The following PTPRN2 variants were observed in gnomAD, a reference collection of about 807,000 sequenced individuals.
PTPRN2 encodes the protein protein tyrosine phosphatase receptor type N2.
PTPRN2 carries 74 observed loss-of-function variants against 118.8 expected under a neutral mutation model. The observed-to-expected ratio is 0.62, with a 90% CI of 0.52 to 0.76. PTPRN2 has a LOEUF of 0.76. Ranked by LOEUF, PTPRN2 falls within the 30% of genes least tolerant of loss-of-function variation. PTPRN2 has a pLI of 0.00. For synonymous variants in PTPRN2, 641 were observed against 608.0 expected (o/e 1.05, Z -0.80); for missense variants, 1,481 against 1,394.4 (o/e 1.06, Z -0.99).
At position 157,800,166 on chromosome 7, in the gene PTPRN2, T is replaced by C. The variant is rs117736387; in HGVS notation, c.1788+98507A>G. On this transcript the variant is annotated intron_variant, in intron 12 of 22. Coordinates refer to ENST00000389418, the MANE Select transcript of PTPRN2 (RefSeq NM_002847.5). ...AGGCGGCCTCCCCATCCCTCAGAGG[T>C]ACCACAGATGCCCTCCTCCATCCCT... Among the ~76,000 whole-genome samples, 1,215 of 129,298 alleles carry C rather than the reference T, an allele frequency of 9.4e-3. 42 individuals are homozygous for C. Among genetic ancestry groups the C allele is most frequent in the Admixed American group, 0.067 (914 of 13,572 alleles). 84.8% of individuals were successfully genotyped at this position (129,298 alleles called of 152,430 possible). A position where few individuals can be genotyped will look rare whatever the true frequency, so the allele number is the denominator to read the frequency against.
At chr7:157,594,346 C>T (rs944231670) in intron 17 of PTPRN2, among the ~76,000 whole-genome samples, 2 of 152,192 alleles carry the variant, frequency 1.3e-5, no homozygotes, top group Admixed American at 6.5e-5. Flanking sequence ...AATGTCTCAC[C>T]CCAGTGCTGC....
At chr7:158,489,236 A>G (rs1216172477) in intron 2 of PTPRN2, among the ~76,000 whole-genome samples, 1 of 152,210 alleles carries the variant, frequency 6.6e-6, no homozygotes, top group Admixed American at 6.5e-5. Flanking sequence ...ACCTGAAGTC[A>G]GGAGTTCGAG....
At chr7:158,156,495 A>G (rs1192276553) in intron 6 of PTPRN2, among the ~76,000 whole-genome samples, 3 of 152,220 alleles carry the variant, frequency 2.0e-5, no homozygotes, top group Non-Finnish European at 2.9e-5. Flanking sequence ...AGCTGCCCAC[A>G]TTCGCTAAAT....
At chr7:157,578,188 G>A (rs374930147) in intron 17 of PTPRN2, 48 bp from the exon 18 acceptor site, 20 of 1,561,116 alleles carry the variant, frequency 1.3e-5, no homozygotes, top group Non-Finnish European at 1.7e-5. Context: ...TCTCATCACC[G>A]CGTGACATGT....
At chr7:158,172,456 A>T (rs1337325161) in intron 5 of PTPRN2, among the ~76,000 whole-genome samples, 1 of 151,776 alleles carries the variant, frequency 6.6e-6, no homozygotes, top group East Asian at 1.9e-4. Flanking sequence ...CATCCACAGC[A>T]CCATCCCTAC....
chr7:158,122,566 AAG>A (rs1481917196), intron 9 of PTPRN2, among the ~76,000 whole-genome samples: 1 of 152,204 alleles, frequency 6.6e-6, no homozygotes, highest in Non-Finnish European at 1.5e-5. Flanking sequence ...CGGAAATATA[AAG>A]AGTAGTAAAA....
chr7:158,470,866 C>T (rs1488265864), intron 2 of PTPRN2, among the ~76,000 whole-genome samples: 3 of 150,954 alleles, frequency 2.0e-5, no homozygotes, highest in Non-Finnish European at 4.4e-5. Flanking sequence ...TGAGGTCTTG[C>T]TCTGTCACCC....
At chr7:157,968,817 G>C (rs1802120814) in intron 11 of PTPRN2, among the ~76,000 whole-genome samples, 1 of 152,066 alleles carries the variant, frequency 6.6e-6, no homozygotes, top group Non-Finnish European at 1.5e-5. Context: ...AAGAGTGAGA[G>C]AAAAAAATCC....
At chr7:157,657,966 CACACACACACCACACACACGTCACAG>C (rs1311427110) in intron 13 of PTPRN2, among the ~76,000 whole-genome samples, 1 of 4,690 alleles carries the variant, frequency 2.1e-4, no homozygotes, top group Non-Finnish European at 9.7e-4. Flanking sequence ...ATGTAACAGA[CACACACACACCACACACACGTCACAG>C]ACACACACAC....
chr7:158,149,204 A>G (rs1270061038), intron 6 of PTPRN2, among the ~76,000 whole-genome samples: 1 of 146,928 alleles, frequency 6.8e-6, no homozygotes, highest in African/African-American at 2.6e-5. Context: ...CAAGTGCACG[A>G]GTGTCTGGGC....
chr7:158,372,276 C>T (rs1339455482), intron 2 of PTPRN2, among the ~76,000 whole-genome samples: 1 of 151,434 alleles, frequency 6.6e-6, no homozygotes, highest in African/African-American at 2.4e-5. Context: ...AGCTGATCCC[C>T]CCAACGCTGG....
intron 9 of PTPRN2, among the ~76,000 whole-genome samples, chr7:158,116,402 C>T (rs114174153): frequency 0.014 from 2,068 of 152,278 alleles, 50 homozygotes; most frequent in African/African-American, 0.047. Flanking sequence ...TGAAGGCCTC[C>T]GACTTCTAGT....
At chr7:158,190,405 G>A (rs964014825) in intron 5 of PTPRN2, among the ~76,000 whole-genome samples, 13 of 152,338 alleles carry the variant, frequency 8.5e-5, no homozygotes, top group East Asian at 5.8e-4. Context: ...TTAAAATAGT[G>A]TTAAGTGGAC....
At chr7:157,937,065 A>G (rs1799753757) in intron 11 of PTPRN2, among the ~76,000 whole-genome samples, 1 of 152,042 alleles carries the variant, frequency 6.6e-6, no homozygotes, top group Non-Finnish European at 1.5e-5. Flanking sequence ...ATTTCTCTTC[A>G]TCTCCCAGAC....
chr7:158,549,194 T>G (rs1433980961), intron 1 of PTPRN2, among the ~76,000 whole-genome samples: 2 of 152,212 alleles, frequency 1.3e-5, no homozygotes, highest in African/African-American at 4.8e-5. Flanking sequence ...GATTCAGGCT[T>G]TTTTTAATGA....
chr7:157,849,631 C>A (rs1809126456), intron 12 of PTPRN2, among the ~76,000 whole-genome samples: 1 of 152,244 alleles, frequency 6.6e-6, no homozygotes, highest in East Asian at 1.9e-4. Flanking sequence ...TTCCCTCCCA[C>A]ACAAAACCCA....
At position 157,540,771 on chromosome 7, in the gene PTPRN2, G is replaced by T; in HGVS notation, c.2991C>A (p.Phe997Leu). The T allele has an allele frequency of 1.3e-6, 2 of 1,567,360 alleles. No individual in the cohort carries two copies. The highest frequency in any genetic ancestry group is 1.7e-6 in the Non-Finnish European group (2 of 1,155,818). Reference protein sequence around the residue: ...GMVQTKEQFEFALTAVAEEVN... With the variant: ...GMVQTKEQFELALTAVAEEVN... The stretch of plus-strand genomic sequence containing the variant: ...CCTCCTCAGCCACGGCTGTCAGCGC[G>T]AACTCAAACTGCTCCTGCAGGGCGA... Residue 997 changes from phenylalanine (F) to leucine (L), a missense_variant, in exon 23 of 23, where the codon TTC becomes TTA. Phe to Leu is a conservative substitution (Grantham distance 22). Around this residue, in one of 3 missense-constraint regions of PTPRN2, gnomAD observed 362 missense variants for 384.1 expected, o/e 0.94. Coordinates refer to ENST00000389418, the MANE Select transcript of PTPRN2 (RefSeq NM_002847.5).
chr7:158,311,372 C>G (rs1801715876), intron 3 of PTPRN2, among the ~76,000 whole-genome samples: 1 of 152,098 alleles, frequency 6.6e-6, no homozygotes, highest in Admixed American at 6.6e-5. Context: ...GAAATGAATC[C>G]ACAGTCGTTT....
At chr7:157,805,419 G>T (rs1805571186) in intron 12 of PTPRN2, among the ~76,000 whole-genome samples, 2 of 152,054 alleles carry the variant, frequency 1.3e-5, no homozygotes, top group African/African-American at 4.8e-5. Flanking sequence ...CTAGTTAAAA[G>T]TTCAAAGCAC....
Sources: gnomAD v4.1 joint callset for allele counts (sites outside exome capture counted in the v4.1 genomes callset) on GRCh38, gnomAD v4.1.1 for gene constraint, gnomAD v4.1.1 regional missense constraint, MANE v1.5 for transcripts, NCBI Gene and HGNC (gene_info 2026-07-23, HGNC 2026-07-21) for gene names.